The following GTF2I variants were observed in gnomAD, a reference collection of about 807,000 sequenced individuals.
GTF2I encodes general transcription factor IIi, also known as general transcription factor II-I.
Under a neutral mutation model 67.6 loss-of-function variants are expected in GTF2I, and 12 were observed. The observed-to-expected ratio is 0.18, with a 90% CI of 0.11 to 0.29. GTF2I has a LOEUF of 0.29. GTF2I is among the 10% of genes least tolerant of loss of function. The probability of loss-of-function intolerance (pLI) is 1.00; values close to 1 mark genes in which losing one functional copy is unlikely to be tolerated. For missense variants in GTF2I, 271 were observed against 580.1 expected, an observed-to-expected ratio of 0.47 and a Z score of 5.47; for synonymous variants, 149 against 197.0, an observed-to-expected ratio of 0.76 and a Z score of 2.04.
chr7:74,693,431 C>T (rs1287992468), intron 3 of GTF2I, among the ~76,000 whole-genome samples: 2 of 151,732 alleles, frequency 1.3e-5, no homozygotes, highest in Non-Finnish European at 2.9e-5. Context: ...TGGGAGTCCT[C>T]GAACGCACAC....
At chr7:74,710,513 A>G (rs1434007586) in intron 8 of GTF2I, among the ~76,000 whole-genome samples, 1 of 152,148 alleles carries the variant, frequency 6.6e-6, no homozygotes, top group Non-Finnish European at 1.5e-5. Context: ...GTCTGCTTCA[A>G]ATCATCTGTC....
chr7:74,712,027 G>T (rs1381687033), intron 9 of GTF2I, among the ~76,000 whole-genome samples: 2 of 148,146 alleles, frequency 1.4e-5, no homozygotes, highest in Non-Finnish European at 3.0e-5. Flanking sequence ...TTGGCTCACT[G>T]CAACCTCCAC....
At position 74,689,119 on chromosome 7, in the gene GTF2I, C is replaced by T. The variant is rs781985610; in HGVS notation, c.-5-5C>T. 20 of 1,568,350 alleles carry T rather than the reference C, an allele frequency of 1.3e-5. No individual in the cohort carries two copies. Among genetic ancestry groups the T allele is most frequent in the Admixed American group, 6.7e-5 (4 of 59,826 alleles). On this transcript the variant is annotated splice_region_variant and splice_polypyrimidine_tract_variant and intron_variant, in intron 1 of 34. Coordinates refer to ENST00000573035, the MANE Select transcript of GTF2I (RefSeq NM_032999.4). ...ACTCACTTTCTTCTTACTTCTCCTG[C>T]ACAGGGATCATGGCCCAAGTTGCAA...
intron 1 of GTF2I, among the ~76,000 whole-genome samples, chr7:74,680,099 A>AAAAAT: frequency 5.6e-4 from 53 of 94,944 alleles, no homozygotes; most frequent in East Asian, 1.5e-3. Context: ...AAAAAAAAAA[A>AAAAAT]ATATATATAT....
At chr7:74,731,362 A>AT (rs1239429349) in intron 14 of GTF2I, among the ~76,000 whole-genome samples, 2 of 142,976 alleles carry the variant, frequency 1.4e-5, no homozygotes, top group South Asian at 2.3e-4. Flanking sequence ...TAAAATGAGC[A>AT]TTTTTTCTTC....
At chr7:74,658,566 A>G (rs1383855636) in intron 1 of GTF2I, among the ~76,000 whole-genome samples, 3 of 149,460 alleles carry the variant, frequency 2.0e-5, no homozygotes, top group Non-Finnish European at 4.5e-5. Flanking sequence ...CGCCTGGTGT[A>G]TCTGGGGCTC....
intron 7 of GTF2I, among the ~76,000 whole-genome samples, chr7:74,706,153 C>T (rs1177784636): frequency 3.3e-5 from 5 of 151,348 alleles, no homozygotes; most frequent in Non-Finnish European, 7.4e-5. Context: ...CTCCTGACCT[C>T]GTGATCTGCC....
At chr7:74,716,787 C>T in intron 10 of GTF2I, 107 bp from the exon 11 acceptor site, 1 of 682,596 alleles carries the variant, frequency 1.5e-6, no homozygotes, top group Non-Finnish European at 2.5e-6. Context: ...AATCATTTTG[C>T]ATATGTTTAT....
At chr7:74,697,279 C>T (rs1789019029) in intron 3 of GTF2I, among the ~76,000 whole-genome samples, 1 of 151,972 alleles carries the variant, frequency 6.6e-6, no homozygotes, top group Non-Finnish European at 1.5e-5. Flanking sequence ...CCTGTAATCC[C>T]AGCTACTCGG....
At chr7:74,666,973 C>CT (rs782752212) in intron 1 of GTF2I, among the ~76,000 whole-genome samples, 25 of 151,724 alleles carry the variant, frequency 1.6e-4, no homozygotes, top group Non-Finnish European at 3.5e-4. Flanking sequence ...GTGTGACACT[C>CT]TGTCTCAAAA....
chr7:74,726,743 A>G (rs1165228601), intron 12 of GTF2I: 3 of 152,210 alleles, frequency 2.0e-5, no homozygotes, highest in Non-Finnish European at 4.4e-5. Flanking sequence ...CTGAAGCAGG[A>G]GAATCATTTG....
At chr7:74,703,142 A>G (rs1584201083) in intron 6 of GTF2I, among the ~76,000 whole-genome samples, 1 of 151,696 alleles carries the variant, frequency 6.6e-6, no homozygotes, top group Non-Finnish European at 1.5e-5. Flanking sequence ...CTTGTTTTTT[A>G]TATAGTCTTG....
intron 1 of GTF2I, among the ~76,000 whole-genome samples, chr7:74,670,486 C>G (rs1238152747): frequency 6.6e-6 from 1 of 152,014 alleles, no homozygotes; most frequent in African/African-American, 2.4e-5. Flanking sequence ...CATCTGAGGT[C>G]AGGAGTTTGA....
At chr7:74,725,981 T>C (rs587607242) in intron 12 of GTF2I, among the ~76,000 whole-genome samples, 1 of 152,230 alleles carries the variant, frequency 6.6e-6, no homozygotes, top group African/African-American at 2.4e-5. Context: ...TGTCTTCCCT[T>C]CCCCTGGGCC....
intron 4 of GTF2I, among the ~76,000 whole-genome samples, chr7:74,699,298 GTT>G (rs782542877): frequency 6.9e-6 from 1 of 144,434 alleles, no homozygotes. Context: ...CTTTCTTTCT[GTT>G]TTTTTTTTTT....
chr7:74,672,310 G>A (rs1043384156), intron 1 of GTF2I, among the ~76,000 whole-genome samples: 12 of 152,170 alleles, frequency 7.9e-5, no homozygotes, highest in African/African-American at 2.2e-4. Context: ...AGGCTGAGGC[G>A]TGCAGATATT....
At chr7:74,713,420 T>TAAA (rs1791874206) in intron 9 of GTF2I, among the ~76,000 whole-genome samples, 1 of 151,872 alleles carries the variant, frequency 6.6e-6, no homozygotes, top group Admixed American at 6.6e-5. Flanking sequence ...AATACTCTTT[T>TAAA]AACATTTATA....
At chr7:74,692,368 C>A (rs1788405054) in intron 3 of GTF2I, among the ~76,000 whole-genome samples, 1 of 152,174 alleles carries the variant, frequency 6.6e-6, no homozygotes, top group African/African-American at 2.4e-5. Context: ...CCACATCCGG[C>A]CGGGAGTTCT....
rs188042398 is a variant in GTF2I at position 74,679,077 on chromosome 7, T to A, written c.-5-10047T>A. On this transcript the variant is annotated intron_variant, in intron 1 of 34. Coordinates refer to ENST00000573035, the MANE Select transcript of GTF2I (RefSeq NM_032999.4). The stretch of plus-strand genomic sequence containing the variant: ...GAGCCACCGCGCCCAGCTATATTTT[T>A]AAAAATTTTTTAATTTTTTGAGATG... Among the ~76,000 whole-genome samples, 130 of 149,972 alleles carry A rather than the reference T, an allele frequency of 8.7e-4. 2 individuals are homozygous for A. Among genetic ancestry groups the A allele is most frequent in the African/African-American group, 3.0e-3 (121 of 40,756 alleles).
Sources: allele counts gnomAD v4.1 joint callset (sites outside exome capture counted in the v4.1 genomes callset), GRCh38; gene constraint gnomAD v4.1.1; transcripts MANE v1.5; gene names NCBI Gene and HGNC (gene_info 2026-07-23, HGNC 2026-07-21).